The following MSTO1 variants were observed in gnomAD, a reference collection of about 807,000 sequenced individuals.
The protein encoded by MSTO1 is protein misato homolog 1.
MSTO1 carries 24 observed loss-of-function variants against 55.7 expected under a neutral mutation model. The observed-to-expected ratio is 0.43, with a 90% CI of 0.31 to 0.61. The LOEUF is 0.61. MSTO1 is among the 20% of genes least tolerant of loss of function. The probability of loss-of-function intolerance (pLI) is 0.09; values close to 1 mark genes in which losing one functional copy is unlikely to be tolerated. For missense variants in MSTO1, 363 were observed against 625.7 expected (o/e 0.58, Z 4.48); for synonymous variants, 162 against 252.8 (o/e 0.64, Z 3.41).
the MSTO1 span, among the ~76,000 whole-genome samples, chr1:155,587,855 CTTTA>C: frequency 2.0e-5 from 3 of 150,802 alleles, no homozygotes; most frequent in Non-Finnish European, 4.4e-5. Flanking sequence ...TTTTTATTAA[CTTTA>C]TTTCTCTAGT....
the MSTO1 span, among the ~76,000 whole-genome samples, chr1:155,589,941 CTT>C: frequency 1.3e-5 from 2 of 148,686 alleles, no homozygotes; most frequent in Non-Finnish European, 3.0e-5. Context: ...CAAGTTGACA[CTT>C]AATTTTTTTT....
At position 155,610,406 on chromosome 1, in the gene MSTO1, G is replaced by T; in HGVS notation, c.85-19G>T. 1.2e-6 allele frequency: 1 copy of T among 837,014 alleles called. No individual in the cohort carries two copies. Among genetic ancestry groups the T allele is most frequent in the Non-Finnish European group, 1.9e-6 (1 of 540,254 alleles). The allele number at this position is 837,014 out of a possible 1,614,324, so 51.8% of individuals were successfully genotyped here. ...TCCCGACGTTCAGCCGGCCTGCCTC[G>T]TCCTCTCTGCTTCCCCAGGATGCTG... On this transcript the variant is annotated intron_variant, in intron 1 of 13. Coordinates refer to ENST00000245564, the MANE Select transcript of MSTO1 (RefSeq NM_018116.4).
At chr1:155,604,061 T>C in the MSTO1 span, among the ~76,000 whole-genome samples, 2,334 of 152,318 alleles carry the variant, frequency 0.015, 58 homozygotes, top group African/African-American at 0.054. Context: ...TGGAAGATTA[T>C]GAAATAATGC....
the MSTO1 span, among the ~76,000 whole-genome samples, chr1:155,567,859 AC>A: frequency 6.7e-6 from 1 of 149,308 alleles, no homozygotes; most frequent in African/African-American, 2.5e-5. Flanking sequence ...ACATGATGAA[AC>A]CCCGTCTCAA....
In MSTO1 at chr1:155,614,238, C is replaced by T. The variant is rs1675159997; in HGVS notation, c.1678C>T (p.Gln560Ter). The T allele has an allele frequency of 9.2e-6, 8 of 865,230 alleles. No homozygotes were observed. Among genetic ancestry groups the T allele is most frequent in the Non-Finnish European group, 1.4e-5 (8 of 565,976 alleles). The allele number at this position is 865,230 out of a possible 1,614,324, so 53.6% of individuals were successfully genotyped here. The change falls in exon 14 of 14, where the codon CAG becomes TAG. Residue 560 changes from glutamine to a stop codon, truncating the protein, a stop_gained. Transcript: ENST00000245564. LOFTEE classifies it high-confidence loss of function. ...ELLQELQSLAQCYQGGDSLVD is the reference protein window; with the variant it reads ...ELLQELQSLA The stretch of plus-strand genomic sequence containing the variant: ...GCTGCAGGAGCTACAAAGCCTGGCC[C>T]AGTGCTACCAGGGTGGTGACAGCCT...
At chr1:155,607,260 C>T (rs1204823682), upstream of MSTO1, among the ~76,000 whole-genome samples, 1 of 152,000 alleles carries the variant, frequency 6.6e-6, no homozygotes, top group Non-Finnish European at 1.5e-5. Context: ...CTGCAACCTC[C>T]GACTCCCTGG....
At chr1:155,612,771 G>A in intron 9 of MSTO1, 73 bp from the exon 10 acceptor site, 4 of 1,581,120 alleles carry the variant, frequency 2.5e-6, no homozygotes, top group South Asian at 1.1e-5. Flanking sequence ...GGTCTCTCTG[G>A]TGTTAATATT....
At chr1:155,583,418 G>C in the MSTO1 span, among the ~76,000 whole-genome samples, 3 of 151,750 alleles carry the variant, frequency 2.0e-5, no homozygotes, top group Non-Finnish European at 4.4e-5. Context: ...CGTGCCTGTA[G>C]TCCCAGCTGC....
chr1:155,568,094 T>TTTTA, the MSTO1 span, among the ~76,000 whole-genome samples: 4 of 96,136 alleles, frequency 4.2e-5, no homozygotes, highest in South Asian at 3.5e-4. Context: ...ATTTTATTTT[T>TTTTA]TTTGAGACGG....
chr1:155,596,629 A>T, the MSTO1 span, among the ~76,000 whole-genome samples: 1 of 152,048 alleles, frequency 6.6e-6, no homozygotes, highest in Non-Finnish European at 1.5e-5. Flanking sequence ...CACACAAAAA[A>T]ATTTTTAATT....
chr1:155,577,521 T>G, the MSTO1 span, among the ~76,000 whole-genome samples: 1 of 152,184 alleles, frequency 6.6e-6, no homozygotes, highest in Non-Finnish European at 1.5e-5. Flanking sequence ...CCCAGCACTA[T>G]TTGTTGAAGA....
chr1:155,612,796 T>A (rs778290716), intron 9 of MSTO1, 48 bp from the exon 10 acceptor site: 12 of 1,608,672 alleles, frequency 7.5e-6, no homozygotes, highest in Non-Finnish European at 1.0e-5. Context: ...CTCCACACAT[T>A]CTTTTCCAGG....
the MSTO1 span, chr1:155,590,703 G>A: frequency 2.0e-5 from 31 of 1,537,582 alleles, no homozygotes; most frequent in Admixed American, 2.2e-4. Context: ...GTGACCCCCC[G>A]GAGGGGCAAG....
At chr1:155,570,091 A>G in the MSTO1 span, among the ~76,000 whole-genome samples, 3 of 152,206 alleles carry the variant, frequency 2.0e-5, no homozygotes. Context: ...ACCATAATCT[A>G]AATTTACAGT....
chr1:155,609,241 ATATTTT>A (rs1673272216), upstream of MSTO1, among the ~76,000 whole-genome samples: 1 of 48,350 alleles, frequency 2.1e-5, no homozygotes, highest in African/African-American at 7.7e-5. Flanking sequence ...ATATATATAT[ATATTTT>A]TTTTTTTTTT....
chr1:155,596,015 T>C, the MSTO1 span, among the ~76,000 whole-genome samples: 16 of 152,264 alleles, frequency 1.1e-4, no homozygotes, highest in African/African-American at 3.9e-4. Flanking sequence ...TGAAATTAAT[T>C]TGTGGTCTGT....
chr1:155,578,794 G>A, the MSTO1 span, among the ~76,000 whole-genome samples: 1 of 149,948 alleles, frequency 6.7e-6, no homozygotes, highest in African/African-American at 2.4e-5. Context: ...ACAGGCGTGA[G>A]CCACCGCGCC....
At chr1:155,566,685 G>A in the MSTO1 span, among the ~76,000 whole-genome samples, 2 of 151,826 alleles carry the variant, frequency 1.3e-5, no homozygotes, top group East Asian at 1.9e-4. Flanking sequence ...GCGTGATCTC[G>A]GCTTACTGCA....
chr1:155,610,281 G>C lies in MSTO1; in HGVS notation c.33G>C (p.Leu11=), dbSNP rs372129867. The change falls in exon 1 of 14, where the codon CTG becomes CTC. Residue 11 remains leucine (L), a synonymous_variant. Transcript: ENST00000245564. The part of the protein sequence containing the change: MAGGAREVLT[L]QLGHFAGFVG... ...GCGGGGCCCGGGAGGTGCTCACACT[G>C]CAGTTGGGACATTTTGCCGGTTTCG... 1 of 976,564 alleles carries C rather than the reference G, an allele frequency of 1.0e-6. No individual in the cohort carries two copies. Among genetic ancestry groups the C allele is most frequent in the Non-Finnish European group, 1.5e-6 (1 of 661,924 alleles). 60.5% of individuals were successfully genotyped at this position (976,564 alleles called of 1,614,324 possible). A position where few individuals can be genotyped will look rare whatever the true frequency, so the allele number is the denominator to read the frequency against.
Sources: gnomAD v4.1 joint callset for allele counts (sites outside exome capture counted in the v4.1 genomes callset) on GRCh38, gnomAD v4.1.1 for gene constraint, MANE v1.5 for transcripts, NCBI Gene and HGNC (gene_info 2026-07-23, HGNC 2026-07-21) for gene names.